Variants in ITGBL1 observed in about 807,000 individuals in gnomAD.
ITGBL1 encodes integrin beta-like protein 1.
A neutral mutation model predicts 68.5 loss-of-function variants in ITGBL1; 51 were observed. The ratio of observed to expected loss-of-function variants is 0.74; its 90% CI spans 0.59 to 0.94. The LOEUF (loss-of-function observed/expected upper bound fraction) is 0.94. Among genes scored for constraint, ITGBL1 ranks in the 40% least tolerant of loss-of-function variants. The pLI, the probability that ITGBL1 is intolerant of heterozygous loss-of-function variation, is 0.00. For missense variants in ITGBL1, 649 were observed against 647.4 expected (o/e 1.00, Z -0.03); for synonymous variants, 209 against 227.3 (o/e 0.92, Z 0.72).
At chr13:101,707,016 T>A (rs2034278937) in intron 9 of ITGBL1, 114 bp downstream of exon 9, 1 of 956,736 alleles carries the variant, frequency 1.0e-6, no homozygotes, top group Non-Finnish European at 1.5e-6. Context: ...CAAACCACTA[T>A]GTCCTCTGCT....
intron 2 of ITGBL1, among the ~76,000 whole-genome samples, chr13:101,525,017 A>G (rs957634723): frequency 1.3e-5 from 2 of 152,050 alleles, no homozygotes; most frequent in African/African-American, 2.4e-5. Flanking sequence ...AATTTTATGC[A>G]ATTTATTTTT....
At chr13:101,644,824 T>C (rs1343545057) in intron 7 of ITGBL1, among the ~76,000 whole-genome samples, 1 of 152,174 alleles carries the variant, frequency 6.6e-6, no homozygotes, top group Non-Finnish European at 1.5e-5. Flanking sequence ...GTGGAGTACC[T>C]AATGAAAATA....
chr13:101,514,498 C>A (rs936342349), intron 2 of ITGBL1, among the ~76,000 whole-genome samples: 15 of 151,970 alleles, frequency 9.9e-5, no homozygotes, highest in African/African-American at 3.6e-4. Context: ...AATTTATTTC[C>A]TAAAGTCTCT....
At chr13:101,626,041 C>T (rs2031764270) in intron 7 of ITGBL1, among the ~76,000 whole-genome samples, 1 of 152,160 alleles carries the variant, frequency 6.6e-6, no homozygotes, top group Non-Finnish European at 1.5e-5. Flanking sequence ...GGTAGAACTT[C>T]GACTCATTGA....
At position 101,685,265 on chromosome 13, in the gene ITGBL1, G is replaced by C. The variant is rs189083287; in HGVS notation, c.1016-7320G>C. Among the ~76,000 whole-genome samples the C allele has an allele frequency of 1.2e-3, 176 of 152,070 alleles. 2 individuals are homozygous for C. Among genetic ancestry groups the C allele is most frequent in the South Asian group, 5.0e-3 (24 of 4,816 alleles). ...CCTTCACTATGACTTTATATGCAAA[G>C]TTGTATAAGTTCATTTATTTTACGT... On this transcript the variant is annotated intron_variant, in intron 7 of 10. Transcript: ENST00000376180.
intron 2 of ITGBL1, among the ~76,000 whole-genome samples, chr13:101,494,772 G>A: frequency 6.6e-6 from 1 of 152,216 alleles, no homozygotes; most frequent in East Asian, 1.9e-4. Flanking sequence ...CAGAACCACT[G>A]TATTCGCTTT....
chr13:101,541,181 G>T (rs1329866489), intron 2 of ITGBL1, among the ~76,000 whole-genome samples: 1 of 149,754 alleles, frequency 6.7e-6, no homozygotes, highest in African/African-American at 2.5e-5. Flanking sequence ...TATGATATTG[G>T]CTGTGGGTTT....
At chr13:101,641,826 T>C (rs888596800) in intron 7 of ITGBL1, among the ~76,000 whole-genome samples, 1 of 150,344 alleles carries the variant, frequency 6.7e-6, no homozygotes, top group African/African-American at 2.5e-5. Flanking sequence ...GGTTTTTTGT[T>C]CTTGCGATAG....
chr13:101,668,372 A>C (rs908784261), intron 7 of ITGBL1, among the ~76,000 whole-genome samples: 53 of 152,066 alleles, frequency 3.5e-4, no homozygotes, highest in African/African-American at 1.3e-3. Context: ...TGGGTGAAAG[A>C]GTGAAACTCC....
chr13:101,528,040 AT>A (rs67547505), intron 2 of ITGBL1, among the ~76,000 whole-genome samples: 22,762 of 151,564 alleles, frequency 0.15, 2,213 homozygotes, highest in African/African-American at 0.27. Context: ...TTTGTAGATT[AT>A]TTTTTCTTTA....
chr13:101,674,884 C>A (rs1286961319), intron 7 of ITGBL1, among the ~76,000 whole-genome samples: 1 of 151,540 alleles, frequency 6.6e-6, no homozygotes, highest in Non-Finnish European at 1.5e-5. Flanking sequence ...TTTTGTTTTT[C>A]TTTATTTGCT....
chr13:101,648,956 A>G (rs1441605872), intron 7 of ITGBL1, among the ~76,000 whole-genome samples: 1 of 151,120 alleles, frequency 6.6e-6, no homozygotes, highest in Non-Finnish European at 1.5e-5. Flanking sequence ...ATTTCTCTGT[A>G]TATGCATGAT....
intron 2 of ITGBL1, among the ~76,000 whole-genome samples, chr13:101,513,052 C>A (rs1277850538): frequency 6.6e-6 from 1 of 151,986 alleles, no homozygotes; most frequent in Non-Finnish European, 1.5e-5. Flanking sequence ...AACTATGGGT[C>A]CACCTATTTA....
At chr13:101,481,523 G>A (rs1452893687) in intron 2 of ITGBL1, among the ~76,000 whole-genome samples, 1 of 151,914 alleles carries the variant, frequency 6.6e-6, no homozygotes, top group Admixed American at 6.6e-5. Flanking sequence ...ATGGACTTCT[G>A]GCTCTCAAAT....
chr13:101,714,199 A>G, intron 9 of ITGBL1: 1 of 482,268 alleles, frequency 2.1e-6, no homozygotes, highest in Non-Finnish European at 3.7e-6. Flanking sequence ...AGACTGGGCC[A>G]TGGGACATTT....
Position 101,583,369 on chromosome 13 carries a change from C to T in ITGBL1, c.868+13C>T, listed in dbSNP as rs781077701. 46 of 1,450,026 alleles carry T rather than the reference C, an allele frequency of 3.2e-5. No homozygotes were observed. The South Asian group carries it at 7.1e-4, about 22-fold the overall frequency. The allele number at this position is 1,450,026 out of a possible 1,614,324, so 89.8% of individuals were successfully genotyped here. A position where few individuals can be genotyped will look rare whatever the true frequency, so the allele number is the denominator to read the frequency against. On this transcript the variant is annotated intron_variant, in intron 6 of 10. Transcript: ENST00000376180. ...GACTTCTGTTCAGGTAAGGGCTCTT[C>T]CAATTCCTGTTTTTCTGGAGGGGGA... is the stretch of plus-strand genomic sequence containing the variant.
intron 7 of ITGBL1, among the ~76,000 whole-genome samples, chr13:101,675,763 T>C (rs569489431): frequency 6.6e-6 from 1 of 152,128 alleles, no homozygotes; most frequent in East Asian, 1.9e-4. Flanking sequence ...CCTTTCTGCC[T>C]CATTCTATCT....
At chr13:101,498,967 A>C (rs1223752437) in intron 2 of ITGBL1, among the ~76,000 whole-genome samples, 2 of 152,158 alleles carry the variant, frequency 1.3e-5, no homozygotes, top group African/African-American at 4.8e-5. Flanking sequence ...AAACCATCAG[A>C]TCTCATGAGA....
At chr13:101,604,979 CGTACATGT>C (rs1253560276) in intron 7 of ITGBL1, among the ~76,000 whole-genome samples, 1 of 100,838 alleles carries the variant, frequency 9.9e-6, no homozygotes, top group Non-Finnish European at 2.2e-5. Context: ...TACATATATG[CGTACATGT>C]GTATATGTAT....
Sources: allele counts gnomAD v4.1 joint callset (sites outside exome capture counted in the v4.1 genomes callset), GRCh38; gene constraint gnomAD v4.1.1; transcripts MANE v1.5; gene names NCBI Gene and HGNC (gene_info 2026-07-23, HGNC 2026-07-21).